CMSS1: variants seen among roughly 807,000 people sequenced by gnomAD.
CMSS1 encodes the protein cms1 ribosomal small subunit homolog.
A neutral mutation model predicts 43.5 loss-of-function variants in CMSS1; 33 were observed. That is an observed-to-expected ratio of 0.76 (90% CI 0.57 to 1.01). CMSS1 has a LOEUF of 1.01. Ranked by LOEUF, CMSS1 falls within the 50% of genes least tolerant of loss-of-function variation. CMSS1 has a pLI of 0.00. For missense variants in CMSS1, 313 were observed against 326.4 expected, an observed-to-expected ratio of 0.96 and a Z score of 0.32; for synonymous variants, 115 against 117.2, an observed-to-expected ratio of 0.98 and a Z score of 0.12.
At chr3:99,993,554 C>T (rs1709586341) in intron 1 of CMSS1, among the ~76,000 whole-genome samples, 1 of 152,012 alleles carries the variant, frequency 6.6e-6, no homozygotes, top group Admixed American at 6.5e-5. Flanking sequence ...TGTCTTGTTC[C>T]AGTTCTTAGA....
At chr3:99,897,845 G>C (rs928151752) in intron 1 of CMSS1, among the ~76,000 whole-genome samples, 17 of 152,186 alleles carry the variant, frequency 1.1e-4, no homozygotes, top group Non-Finnish European at 2.2e-4. Flanking sequence ...GTGTGTCAAA[G>C]CTTTCTGCTG....
rs926829530 is a variant in CMSS1 at position 100,146,865 on chromosome 3, G to A, written c.65-108G>A. The A allele has an allele frequency of 2.2e-6, 3 of 1,349,062 alleles. No homozygotes were observed. In the African/African-American group the frequency reaches 4.4e-5, roughly 20 times the overall value. 83.6% of individuals were successfully genotyped at this position (1,349,062 alleles called of 1,614,324 possible). A position where few individuals can be genotyped will look rare whatever the true frequency, so the allele number is the denominator to read the frequency against. On this transcript the variant is annotated intron_variant, in intron 1 of 9. Coordinates refer to ENST00000421999, the MANE Select transcript of CMSS1 (RefSeq NM_032359.4). ...TTTCCTTAAGTGCAGCTTCTTTGAG[G>A]TAGAATTAAAAAGTGAAGAGATAGA...
At chr3:99,993,353 T>C (rs1709579539) in intron 1 of CMSS1, among the ~76,000 whole-genome samples, 1 of 152,096 alleles carries the variant, frequency 6.6e-6, no homozygotes, top group East Asian at 1.9e-4. Context: ...CACTAGTTCA[T>C]TTGTCAAATC....
In CMSS1 at chr3:100,167,822, G is replaced by A. The variant is rs567367561; in HGVS notation, c.500G>A (p.Arg167Gln). The change falls in exon 6 of 10, where the codon CGA (arginine) becomes CAA (glutamine). Residue 167 changes from arginine (R) to glutamine (Q), a missense_variant. By Grantham distance (43) the Arg-to-Gln change is conservative (BLOSUM62 1). Transcript: ENST00000421999. ...LMLIICSSAV[R>Q]ALELIRSMTA... The stretch of plus-strand genomic sequence containing the variant: ...CTGATCATCTGCAGCTCGGCCGTCC[G>A]AGCCCTGGAGCTCATTAGGTTGGAA... 48 of 1,611,312 alleles carry A rather than the reference G, an allele frequency of 3.0e-5. No individual in the cohort carries two copies. In the African/African-American group the frequency reaches 3.2e-4, roughly 11 times the overall value.
At chr3:99,997,161 G>A (rs1709708707) in intron 1 of CMSS1, among the ~76,000 whole-genome samples, 1 of 152,068 alleles carries the variant, frequency 6.6e-6, no homozygotes, top group African/African-American at 2.4e-5. Flanking sequence ...CCATACAAAG[G>A]ATGGACAAAA....
At chr3:99,879,713 G>A (rs1203572235) in intron 1 of CMSS1, among the ~76,000 whole-genome samples, 1 of 152,196 alleles carries the variant, frequency 6.6e-6, no homozygotes, top group Non-Finnish European at 1.5e-5. Flanking sequence ...CTATGAGATG[G>A]TAATGCTAAC....
At chr3:100,054,174 T>C (rs1286026983) in intron 1 of CMSS1, among the ~76,000 whole-genome samples, 1 of 152,216 alleles carries the variant, frequency 6.6e-6, no homozygotes, top group Admixed American at 6.5e-5. Flanking sequence ...AAAGTTGCCA[T>C]TGTACTGTGA....
intron 8 of CMSS1, chr3:100,176,098 C>T (rs2067146096): frequency 2.6e-6 from 1 of 389,398 alleles, no homozygotes; most frequent in Non-Finnish European, 4.6e-6. Context: ...TTAGCAAGAG[C>T]AGTTTCTCTG....
At chr3:99,956,771 G>A (rs547736812) in intron 1 of CMSS1, among the ~76,000 whole-genome samples, 4 of 151,970 alleles carry the variant, frequency 2.6e-5, no homozygotes, top group East Asian at 1.9e-4. Flanking sequence ...TTTATAACAC[G>A]CCCAGTGGTC....
In CMSS1 at chr3:99,993,795, G is replaced by C. The variant is rs147572479; in HGVS notation, c.65-153178G>C. Among the ~76,000 whole-genome samples, 14 of 152,204 alleles carry C rather than the reference G, an allele frequency of 9.2e-5. 1 individual carries two copies. In the East Asian group the frequency reaches 2.7e-3, roughly 29 times the overall value. On this transcript the variant is annotated intron_variant, in intron 1 of 9. Coordinates refer to ENST00000421999, the MANE Select transcript of CMSS1 (RefSeq NM_032359.4). ...TCATGTTTATTGATTTACATGTGTTGAACCATCCTTGCATCCCTGGGATAA... is the reference window on the plus strand; with the variant it reads ...TCATGTTTATTGATTTACATGTGTTCAACCATCCTTGCATCCCTGGGATAA...
At chr3:100,002,839 A>G (rs1559721391) in intron 1 of CMSS1, among the ~76,000 whole-genome samples, 1 of 152,152 alleles carries the variant, frequency 6.6e-6, no homozygotes, top group African/African-American at 2.4e-5. Flanking sequence ...AGCATGATTT[A>G]AACAAAAGGA....
At chr3:100,137,517 C>G (rs1190430097) in intron 1 of CMSS1, among the ~76,000 whole-genome samples, 1 of 151,590 alleles carries the variant, frequency 6.6e-6, no homozygotes, top group African/African-American at 2.4e-5. Context: ...TATACATACA[C>G]CCCAATAATT....
At chr3:100,144,086 T>C (rs1406234698) in intron 1 of CMSS1, among the ~76,000 whole-genome samples, 3 of 152,236 alleles carry the variant, frequency 2.0e-5, no homozygotes, top group African/African-American at 7.2e-5. Context: ...TGTTGGGGGT[T>C]TAAATCTGTG....
In CMSS1 at chr3:100,179,585, C is replaced by G. The variant is rs1320618510; in HGVS notation, c.*1197C>G. Reference sequence around the variant, plus strand: ...CTCCATGTCTCACATCCAGGCCACTCTGATGCAAGGAGTGGGCTCCCAAGG... The same window carrying G: ...CTCCATGTCTCACATCCAGGCCACTGTGATGCAAGGAGTGGGCTCCCAAGG... On this transcript the variant is annotated 3_prime_UTR_variant, in exon 10 of 10. Transcript: ENST00000421999. 1 of 149,252 alleles carries G rather than the reference C, an allele frequency of 6.7e-6. No individual in the cohort carries two copies. Among genetic ancestry groups the G allele is most frequent in the Non-Finnish European group, 1.5e-5 (1 of 66,442 alleles). The allele number at this position is 149,252 out of a possible 1,614,324, so 9.2% of individuals were successfully genotyped here.
intron 1 of CMSS1, chr3:100,023,314 A>G (rs1170404832): frequency 3.3e-5 from 5 of 152,622 alleles, no homozygotes; most frequent in Non-Finnish European, 5.9e-5. Context: ...GTTTTATGCA[A>G]ACAGAGCCTG....
chr3:99,930,046 T>C (rs759065667), intron 1 of CMSS1: 1 of 1,586,538 alleles, frequency 6.3e-7, no homozygotes, highest in African/African-American at 1.4e-5. Flanking sequence ...GAACAAAAAG[T>C]ATTTCAGAAA....
chr3:99,938,186 G>A (rs1022704173), intron 1 of CMSS1, among the ~76,000 whole-genome samples: 2 of 152,044 alleles, frequency 1.3e-5, no homozygotes, highest in Admixed American at 1.3e-4. Flanking sequence ...GTAAACTTTC[G>A]ATCATAAATA....
chr3:100,090,839 C>T (rs1014303890), intron 1 of CMSS1, among the ~76,000 whole-genome samples: 2 of 152,226 alleles, frequency 1.3e-5, no homozygotes, highest in Admixed American at 1.3e-4. Context: ...TATCTCCTAT[C>T]CTCCCTAGAG....
At chr3:99,926,004 C>A in intron 1 of CMSS1, 4 of 348,112 alleles carry the variant, frequency 1.1e-5, no homozygotes, top group Non-Finnish European at 1.2e-5. Context: ...TGAAAACACC[C>A]GACTTTCTAG....
Sources: allele counts gnomAD v4.1 joint callset (sites outside exome capture counted in the v4.1 genomes callset), GRCh38; gene constraint gnomAD v4.1.1; transcripts MANE v1.5; gene names NCBI Gene and HGNC (gene_info 2026-07-23, HGNC 2026-07-21).